The following PNPLA7 variants were observed in gnomAD, a reference collection of about 807,000 sequenced individuals.
PNPLA7 encodes patatin like domain 7, lysophospholipase.
PNPLA7 carries 153 observed loss-of-function variants against 161.7 expected under a neutral mutation model. That is an observed-to-expected ratio of 0.95 (90% CI 0.83 to 1.08). The LOEUF (loss-of-function observed/expected upper bound fraction) is 1.08. Ranked by LOEUF, PNPLA7 falls within the 50% of genes least tolerant of loss-of-function variation. The pLI is 0.00. For synonymous variants in PNPLA7, 809 were observed against 782.1 expected (o/e 1.03, Z -0.57); for missense variants, 1,739 against 1,856.6 (o/e 0.94, Z 1.16).
chr9:137,505,329 C>T (rs972981144), intron 14 of PNPLA7, among the ~76,000 whole-genome samples: 10 of 151,712 alleles, frequency 6.6e-5, no homozygotes, highest in African/African-American at 2.4e-5. Flanking sequence ...TAATCTGACA[C>T]TATTATTGCT....
intron 12 of PNPLA7, among the ~76,000 whole-genome samples, chr9:137,507,870 TGA>T (rs1834004881): frequency 6.6e-6 from 1 of 152,030 alleles, no homozygotes; most frequent in East Asian, 1.9e-4. Context: ...GACAACATAG[TGA>T]GAGACTGCAT....
Position 137,524,775 on chromosome 9 carries a change from A to T in PNPLA7, c.748-1918T>A, listed in dbSNP as rs1400555697. Among the ~76,000 whole-genome samples, 1 of 151,684 alleles carries T rather than the reference A, an allele frequency of 6.6e-6. No individual in the cohort carries two copies. The highest frequency in any genetic ancestry group is 1.9e-4 in the East Asian group (1 of 5,170). On this transcript the variant is annotated intron_variant, in intron 8 of 34. Transcript: ENST00000406427. This position sits in a 1 kb window ranked among gnomAD's most constrained non-coding sequence, Gnocchi z 4.4. ...TGCCCCGTGGAATGAGTTTCCGTGG[A>T]TGCCCCGTGGAATGGGTTTCCGTGG...
In PNPLA7 at chr9:137,484,590, T is replaced by C. The variant is rs767892281; in HGVS notation, c.2344A>G (p.Ile782Val). 3.1e-6 allele frequency: 5 copies of C among 1,600,638 alleles called. No individual in the cohort carries two copies. The Admixed American group carries it at 5.0e-5, about 16-fold the overall frequency. ...ALELEHALSAIGPTLLLTSDN... is the reference protein window; with the variant it reads ...ALELEHALSAVGPTLLLTSDN... The stretch of plus-strand genomic sequence containing the variant: ...AGGCTGGGAGGCTCAGGCTTACCGA[T>C]GGCGCTGAGGGCATGCTCCAGCTCC... The change falls in exon 21 of 35, where the codon ATC becomes GTC. Residue 782 changes from isoleucine (I) to valine (V), a missense_variant. Physicochemically the swap from Ile to Val is conservative, Grantham distance 29 (BLOSUM62 3). This residue lies in a region of PNPLA7 where 192 missense variants were observed against 249.5 expected (regional missense o/e 0.77). Transcript: ENST00000406427.
At chr9:137,504,180 A>G (rs1482935198) in intron 14 of PNPLA7, among the ~76,000 whole-genome samples, 1 of 143,052 alleles carries the variant, frequency 7.0e-6, no homozygotes, top group Non-Finnish European at 1.5e-5. Context: ...AAGAAGAAGG[A>G]AGAAGGAAGA....
In PNPLA7 at chr9:137,541,387, T is replaced by C. The variant is rs991215016; in HGVS notation, c.667-665A>G. The C allele has an allele frequency of 1.0e-6, 1 of 982,022 alleles. No homozygotes were observed. The allele number at this position is 982,022 out of a possible 1,614,324, so 60.8% of individuals were successfully genotyped here. On this transcript the variant is annotated intron_variant, in intron 7 of 34. Coordinates refer to ENST00000406427, the MANE Select transcript of PNPLA7 (RefSeq NM_001098537.3). The surrounding 1 kb of genome is among the most constrained non-coding windows in gnomAD (Gnocchi z 4.4). ...AGCCCCTTTCCCTTCTAATAACCCA[T>C]CAAGTCCAGCCACAGACAAAGCGAC...
intron 8 of PNPLA7, among the ~76,000 whole-genome samples, chr9:137,530,829 T>A (rs1835546594): frequency 6.6e-6 from 1 of 151,868 alleles, no homozygotes; most frequent in Non-Finnish European, 1.5e-5. Context: ...CGGCTGCTGC[T>A]GTTCAGGAGA....
chr9:137,532,399 T>C (rs1363748953), intron 8 of PNPLA7, among the ~76,000 whole-genome samples: 1 of 152,200 alleles, frequency 6.6e-6, no homozygotes, highest in Non-Finnish European at 1.5e-5. Flanking sequence ...ATCACGCCAC[T>C]GCACTCCAGC....
At position 137,478,196 on chromosome 9, in the gene PNPLA7, C is replaced by A. The variant is rs1003628807; in HGVS notation, c.2764-44G>T. On this transcript the variant is annotated intron_variant, in intron 24 of 34. Coordinates refer to ENST00000406427, the MANE Select transcript of PNPLA7 (RefSeq NM_001098537.3). ...GGCAGGGCTGGTGCAGGGCCCCACC[C>A]TCGGCCGAGACCTCGCATCCTGGCT... 4 of 1,247,790 alleles carry A rather than the reference C, an allele frequency of 3.2e-6. No homozygotes were observed. The African/African-American group carries it at 6.2e-5, about 19-fold the overall frequency. 77.3% of individuals were successfully genotyped at this position (1,247,790 alleles called of 1,614,324 possible).
At chr9:137,489,363 A>G (rs1564303021) in intron 20 of PNPLA7, among the ~76,000 whole-genome samples, 2 of 152,204 alleles carry the variant, frequency 1.3e-5, no homozygotes, top group Non-Finnish European at 2.9e-5. Flanking sequence ...GCACACTAAC[A>G]GTGAAAATTG....
chr9:137,515,546 C>T lies in PNPLA7; in HGVS notation c.1085-27G>A, dbSNP rs532319723. ...TGCTGGGGAGGCAGCCGTAAGCAAC[C>T]TTGTTTGCACGCACTCCCTGGTGTC... On this transcript the variant is annotated intron_variant, in intron 11 of 34. Transcript: ENST00000406427. 3.9e-4 allele frequency: 596 copies of T among 1,509,338 alleles called. 3 individuals are homozygous for T. In the African/African-American group the frequency reaches 6.2e-3, roughly 16 times the overall value. The allele number at this position is 1,509,338 out of a possible 1,614,324, so 93.5% of individuals were successfully genotyped here.
In PNPLA7 at chr9:137,500,410, G is replaced by A. The variant is rs565181479; in HGVS notation, c.1757+281C>T. On this transcript the variant is annotated intron_variant, in intron 16 of 34. Transcript: ENST00000406427. The surrounding 1 kb of genome is among the most constrained non-coding windows in gnomAD (Gnocchi z 5.5). ...GAACTGACCAGTGATAAATGGACAC[G>A]GCTGAGACCAGACCACAGACCAGTG... is the stretch of plus-strand genomic sequence containing the variant. Among the ~76,000 whole-genome samples, 2 of 152,316 alleles carry A rather than the reference G, an allele frequency of 1.3e-5. No individual in the cohort carries two copies. The highest frequency in any genetic ancestry group is 3.9e-4 in the East Asian group (2 of 5,182).
At chr9:137,527,891 C>T (rs945117783) in intron 8 of PNPLA7, among the ~76,000 whole-genome samples, 1 of 152,172 alleles carries the variant, frequency 6.6e-6, no homozygotes, top group Non-Finnish European at 1.5e-5. Flanking sequence ...CTGGAATTCT[C>T]CAGGTGGGAA....
At chr9:137,527,115 A>T (rs1222070020) in intron 8 of PNPLA7, among the ~76,000 whole-genome samples, 1 of 151,980 alleles carries the variant, frequency 6.6e-6, no homozygotes, top group East Asian at 1.9e-4. Flanking sequence ...AAAAATACAA[A>T]AATTAGCCGG....
chr9:137,492,227 T>C (rs1832796852), intron 20 of PNPLA7: 1 of 985,274 alleles, frequency 1.0e-6, no homozygotes, highest in South Asian at 4.7e-5. Context: ...CACTCTAGAA[T>C]GGTCTCATTA....
At chr9:137,461,760 G>A (rs550396398) in intron 32 of PNPLA7, 140 bp from the exon 33 acceptor site, 148 of 1,202,780 alleles carry the variant, frequency 1.2e-4, no homozygotes, top group Non-Finnish European at 1.7e-4. Flanking sequence ...CAGGGACCGG[G>A]GAGATGCGCA....
At chr9:137,522,239 T>C (rs1835044445) in intron 9 of PNPLA7, among the ~76,000 whole-genome samples, 1 of 152,204 alleles carries the variant, frequency 6.6e-6, no homozygotes, top group South Asian at 2.1e-4. Context: ...CACGCCTGGC[T>C]AATTTTTTGT....
In PNPLA7 at chr9:137,468,834, ATACT is replaced by A. The variant is rs1219541065; in HGVS notation, c.2883-1365_2883-1362del. ...TTAATTATATTAATATGATATATTA[ATACT>A]TAATTGGATACTCAAAAATGGTTAA... On this transcript the variant is annotated intron_variant, in intron 25 of 34. Coordinates refer to ENST00000406427, the MANE Select transcript of PNPLA7 (RefSeq NM_001098537.3). The surrounding 1 kb of genome is among the most constrained non-coding windows in gnomAD (Gnocchi z 4.0). 2.6e-5 allele frequency among the ~76,000 whole-genome samples: 4 copies of A among 152,308 alleles called. No individual in the cohort carries two copies. The highest frequency in any genetic ancestry group is 2.1e-4 in the South Asian group (1 of 4,830).
In PNPLA7 at chr9:137,467,200, CT is replaced by C. The variant is rs1831517550; in HGVS notation, c.3039+116del. On this transcript the variant is annotated intron_variant, in intron 26 of 34. Transcript: ENST00000406427. This position sits in a 1 kb window ranked among gnomAD's most constrained non-coding sequence, Gnocchi z 5.1. ...GCACTGGGAGGCTTCAGGGGGTAGC[CT>C]CCTCGAGGGCAGGGCCCTGCAGAGC... 1 of 1,376,780 alleles carries C rather than the reference CT, an allele frequency of 7.3e-7. No individual in the cohort carries two copies. The highest frequency in any genetic ancestry group is 1.5e-5 in the African/African-American group (1 of 68,462). 85.3% of individuals were successfully genotyped at this position (1,376,780 alleles called of 1,614,324 possible). A position where few individuals can be genotyped will look rare whatever the true frequency, so the allele number is the denominator to read the frequency against.
rs1325227501 is a variant in PNPLA7 at position 137,484,645 on chromosome 9, T to C, written c.2289A>G (p.Ser763=). The change falls in exon 21 of 35, where the codon TCA becomes TCG. Residue 763 remains serine (S), a synonymous_variant. Coordinates refer to ENST00000406427, the MANE Select transcript of PNPLA7 (RefSeq NM_001098537.3). ...CGAAGGCGGTGAGGGGCACTTCCTC[T>C]GACACGGGCATCACTGCCACCGTGG... ...NLSTVAVMPV[S]EEVPLTAFAL... The C allele has an allele frequency of 6.2e-7, 1 of 1,612,622 alleles. No homozygotes were observed. Among genetic ancestry groups the C allele is most frequent in the Admixed American group, 1.7e-5 (1 of 59,924 alleles).
Sources: gnomAD v4.1 joint callset for allele counts (sites outside exome capture counted in the v4.1 genomes callset) on GRCh38, gnomAD v4.1.1 for gene constraint, gnomAD v4.1.1 regional missense constraint, Gnocchi (gnomAD v3.1) non-coding constraint, MANE v1.5 for transcripts, NCBI Gene and HGNC (gene_info 2026-07-23, HGNC 2026-07-21) for gene names.